The following CIDEA variants were observed in gnomAD, a reference collection of about 807,000 sequenced individuals.
CIDEA encodes cell death inducing DFFA like effector a.
A neutral mutation model predicts 18.2 loss-of-function variants in CIDEA; 10 were observed. The observed-to-expected ratio is 0.55, with a 90% CI of 0.34 to 0.93. The LOEUF (loss-of-function observed/expected upper bound fraction) is 0.93. Ranked by LOEUF, CIDEA falls within the 40% of genes least tolerant of loss-of-function variation. The pLI is 0.02. For synonymous variants in CIDEA, 128 were observed against 124.8 expected, an observed-to-expected ratio of 1.03 and a Z score of -0.17; for missense variants, 309 against 293.1, an observed-to-expected ratio of 1.05 and a Z score of -0.40.
chr18:12,258,537 AGAGGCCTTGT>A (rs1412338563), intron 1 of CIDEA, among the ~76,000 whole-genome samples: 1 of 152,246 alleles, frequency 6.6e-6, no homozygotes, highest in Non-Finnish European at 1.5e-5. Context: ...GACAGATGCT[AGAGGCCTTGT>A]GCAAGACTGT....
chr18:12,277,363 T>G lies in CIDEA; in HGVS notation c.*93T>G, dbSNP rs1180190953. ...AGATGCTTTTATGTTCTGAGCCACA[T>G]GCACTTGGAGGCCGCTGGTCACGCT... On this transcript the variant is annotated 3_prime_UTR_variant, in exon 5 of 5. Transcript: ENST00000320477. The G allele has an allele frequency of 1.6e-5, 23 of 1,414,354 alleles. No homozygotes were observed. The East Asian group carries it at 5.5e-4, about 34-fold the overall frequency. 87.6% of individuals were successfully genotyped at this position (1,414,354 alleles called of 1,614,324 possible). A position where few individuals can be genotyped will look rare whatever the true frequency, so the allele number is the denominator to read the frequency against.
intron 3 of CIDEA, among the ~76,000 whole-genome samples, chr18:12,272,143 T>G (rs1912553508): frequency 4.9e-4 from 1 of 2,048 alleles, no homozygotes; most frequent in Non-Finnish European, 1.6e-3. Flanking sequence ...GCTTTGAGTG[T>G]GTGTGTGGGG....
intron 3 of CIDEA, among the ~76,000 whole-genome samples, chr18:12,269,938 T>G (rs188908193): frequency 6.6e-6 from 1 of 152,268 alleles, no homozygotes; most frequent in East Asian, 1.9e-4. Context: ...GCTCAAGTGA[T>G]CCACCTGCCT....
chr18:12,266,674 T>TA (rs1912357291), intron 3 of CIDEA, among the ~76,000 whole-genome samples: 1 of 152,132 alleles, frequency 6.6e-6, no homozygotes, highest in South Asian at 2.1e-4. Flanking sequence ...CGAAGGATGT[T>TA]AGAGACCAGA....
chr18:12,262,181 A>G (rs1598775726), intron 1 of CIDEA, among the ~76,000 whole-genome samples: 1 of 152,182 alleles, frequency 6.6e-6, no homozygotes, highest in Admixed American at 6.5e-5. Flanking sequence ...AGGAGAAAAA[A>G]AAAGTAAATT....
At chr18:12,259,885 A>G (rs1912141971) in intron 1 of CIDEA, among the ~76,000 whole-genome samples, 1 of 152,102 alleles carries the variant, frequency 6.6e-6, no homozygotes, top group Admixed American at 6.6e-5. Flanking sequence ...CAAAAATTGA[A>G]CTAACATTAA....
At chr18:12,273,717 C>T (rs4797664) in intron 3 of CIDEA, among the ~76,000 whole-genome samples, 48,216 of 152,166 alleles carry the variant, frequency 0.32, 8,254 homozygotes, top group East Asian at 0.51. Context: ...AACTGTGTTA[C>T]AGTGATGAGA....
Position 12,255,397 on chromosome 18 carries a change from G to A in CIDEA, c.38+976G>A, listed in dbSNP as rs375446469. 3.3e-5 allele frequency among the ~76,000 whole-genome samples: 5 copies of A among 152,292 alleles called. No homozygotes were observed. In the East Asian group the frequency reaches 5.8e-4, roughly 18 times the overall value. ...ACGCAATCTATGAGCTTCCAATCCC[G>A]GGTTCTTAAATGGGAGCTGTTGTAG... On this transcript the variant is annotated intron_variant, in intron 1 of 4. Coordinates refer to ENST00000320477, the MANE Select transcript of CIDEA (RefSeq NM_001279.4).
chr18:12,260,781 G>T (rs1375278434), intron 1 of CIDEA, among the ~76,000 whole-genome samples: 1 of 152,142 alleles, frequency 6.6e-6, no homozygotes, highest in Non-Finnish European at 1.5e-5. Flanking sequence ...TGCTCTAAGA[G>T]TCAAAAAGCA....
In CIDEA at chr18:12,268,229, C is replaced by CTTTTTTTTTTTTTT. The variant is rs1491473988; in HGVS notation, c.330+3776_330+3777insTTTTTTTTTTTTTT. The stretch of plus-strand genomic sequence containing the variant: ...ACAAGTGCCTGCCACCATGCCCGGC[C>CTTTTTTTTTTTTTT]ATTTTTTTTTTTTTTTTTTTTTTCA... On this transcript the variant is annotated intron_variant, in intron 3 of 4. Coordinates refer to ENST00000320477, the MANE Select transcript of CIDEA (RefSeq NM_001279.4). 9.6e-5 allele frequency among the ~76,000 whole-genome samples: 7 copies of CTTTTTTTTTTTTTT among 72,998 alleles called. 2 individuals are homozygous for CTTTTTTTTTTTTTT. The highest frequency in any genetic ancestry group is 7.9e-4 in the East Asian group (2 of 2,516). 47.9% of individuals were successfully genotyped at this position (72,998 alleles called of 152,430 possible). A position where few individuals can be genotyped will look rare whatever the true frequency, so the allele number is the denominator to read the frequency against.
chr18:12,276,622 C>T (rs1002814338), intron 4 of CIDEA, among the ~76,000 whole-genome samples: 1 of 152,110 alleles, frequency 6.6e-6, no homozygotes, highest in African/African-American at 2.4e-5. Flanking sequence ...GTGGGCCCTC[C>T]TGATGAGACA....
At chr18:12,254,667 C>T in intron 1 of CIDEA, 1 of 1,524,602 alleles carries the variant, frequency 6.6e-7, no homozygotes, top group South Asian at 1.2e-5. Context: ...TGCAGCTGGG[C>T]ACAGGTACCA....
chr18:12,272,172 GT>G (rs1568105924), intron 3 of CIDEA, among the ~76,000 whole-genome samples: 34 of 7,424 alleles, frequency 4.6e-3, no homozygotes, highest in Admixed American at 7.6e-3. Flanking sequence ...TTGGGGGGGG[GT>G]TGTTGTTGTT....
intron 1 of CIDEA, among the ~76,000 whole-genome samples, chr18:12,261,507 A>G (rs1426223697): frequency 6.6e-6 from 1 of 152,164 alleles, no homozygotes; most frequent in Non-Finnish European, 1.5e-5. Flanking sequence ...TCATGCCTTC[A>G]TGCTTTTTGG....
At chr18:12,270,096 T>C (rs1407770912) in intron 3 of CIDEA, among the ~76,000 whole-genome samples, 11 of 152,170 alleles carry the variant, frequency 7.2e-5, no homozygotes, top group Admixed American at 7.2e-4. Context: ...TACAGATAAT[T>C]CAAAAATATG....
rs1283748277 is a variant in CIDEA, at chr18:12,277,467, G to C, written c.*197G>C. On this transcript the variant is annotated 3_prime_UTR_variant, in exon 5 of 5. Coordinates refer to ENST00000320477, the MANE Select transcript of CIDEA (RefSeq NM_001279.4). ...GCAGTGGGCAGGGTGCCCTGGGGGG[G>C]AGGCATAGAGGGCCCTGGGGGTCAT... The C allele has an allele frequency of 1.7e-6, 1 of 603,950 alleles. No homozygotes were observed. The highest frequency in any genetic ancestry group is 3.0e-5 in the East Asian group (1 of 33,052). 37.4% of individuals were successfully genotyped at this position (603,950 alleles called of 1,614,324 possible).
rs367661596 is a variant in CIDEA at position 12,275,608 on chromosome 18, G to A, written c.512+1334G>A. 1.8e-4 allele frequency among the ~76,000 whole-genome samples: 27 copies of A among 152,332 alleles called. 1 individual carries two copies. In the South Asian group the frequency reaches 5.4e-3, roughly 30 times the overall value. Reference sequence around the variant, plus strand: ...GGCAGGGCCGCCCGTTTCTCTTTGAGGGTGTTGTTTCCGTCCCCCGTGGCC... The same window carrying A: ...GGCAGGGCCGCCCGTTTCTCTTTGAAGGTGTTGTTTCCGTCCCCCGTGGCC... On this transcript the variant is annotated intron_variant, in intron 4 of 4. Coordinates refer to ENST00000320477, the MANE Select transcript of CIDEA (RefSeq NM_001279.4).
At chr18:12,275,179 T>C (rs1222158649) in intron 4 of CIDEA, among the ~76,000 whole-genome samples, 2 of 152,100 alleles carry the variant, frequency 1.3e-5, no homozygotes, top group Non-Finnish European at 2.9e-5. Flanking sequence ...AAAAATTAGC[T>C]GGGCGTGGTG....
chr18:12,262,588 G>A (rs539886976), intron 1 of CIDEA, among the ~76,000 whole-genome samples: 1 of 152,282 alleles, frequency 6.6e-6, no homozygotes, highest in South Asian at 2.1e-4. Context: ...GTTTCAGCAA[G>A]GACTTTGGAT....
Sources: gnomAD v4.1 joint callset for allele counts (sites outside exome capture counted in the v4.1 genomes callset) on GRCh38, gnomAD v4.1.1 for gene constraint, MANE v1.5 for transcripts, NCBI Gene and HGNC (gene_info 2026-07-23, HGNC 2026-07-21) for gene names.